BEGAIN: variants seen among roughly 807,000 people sequenced by gnomAD.
The protein encoded by BEGAIN is brain enriched guanylate kinase associated, also known as brain-enriched guanylate kinase-associated protein.
In BEGAIN, 19 loss-of-function variants were observed where a neutral mutation model predicts 35.8. That is an observed-to-expected ratio of 0.53 (90% CI 0.37 to 0.78). BEGAIN has a LOEUF of 0.78. Among genes scored for constraint, BEGAIN ranks in the 30% least tolerant of loss-of-function variants. The pLI is 0.00. For synonymous variants in BEGAIN, 462 were observed against 388.6 expected, an observed-to-expected ratio of 1.19 and a Z score of -2.22; for missense variants, 795 against 853.6, an observed-to-expected ratio of 0.93 and a Z score of 0.85.
chr14:100,550,317 G>A, intron 2 of BEGAIN: 1 of 398,012 alleles, frequency 2.5e-6, no homozygotes, highest in East Asian at 3.6e-5. Flanking sequence ...TCACCTTCTG[G>A]GCCTCTGCAT....
Position 100,571,509 on chromosome 14 carries a change from G to C in BEGAIN, c.43-3570C>G, listed in dbSNP as rs532287289. Among the ~76,000 whole-genome samples, 22 of 152,346 alleles carry C rather than the reference G, an allele frequency of 1.4e-4. No homozygotes were observed. The South Asian group carries it at 4.3e-3, about 30-fold the overall frequency. ...TCAGTTCCATTGAAGTGTCACAGCA[G>C]CTTTGCTGGGTGGGTCTCATCAGCT... On this transcript the variant is annotated intron_variant, in intron 1 of 6. Transcript: ENST00000554140.
Position 100,538,853 on chromosome 14 carries a change from A to G in BEGAIN, c.955T>C (p.Tyr319His), listed in dbSNP as rs780199430. ...YAGSLPTSSS[Y>H]SSFSATSEEK... ...TCCGACGTGGCGCTGAAGCTGGAGTAGGAGCTGGACGTGGGCAGTGAGCCT... is the reference window on the plus strand; with the variant it reads ...TCCGACGTGGCGCTGAAGCTGGAGTGGGAGCTGGACGTGGGCAGTGAGCCT... Residue 319 changes from tyrosine (Y) to histidine (H), a missense_variant, in exon 7 of 7, where the codon TAC (tyrosine) becomes CAC (histidine). Physicochemically the swap from Tyr to His is moderately conservative, Grantham distance 83. Coordinates refer to ENST00000554140, the MANE Select transcript of BEGAIN (RefSeq NM_001385089.1). The G allele has an allele frequency of 3.7e-6, 6 of 1,607,290 alleles. No individual in the cohort carries two copies. Among genetic ancestry groups the G allele is most frequent in the Non-Finnish European group, 5.1e-6 (6 of 1,178,352 alleles).
chr14:100,551,926 C>G (rs1364346874), intron 2 of BEGAIN, among the ~76,000 whole-genome samples: 2 of 152,108 alleles, frequency 1.3e-5, no homozygotes, highest in East Asian at 1.9e-4. Context: ...CTTTGGAATT[C>G]CGGTCCCAGG....
rs2034417587 is a variant in BEGAIN at position 100,563,131 on chromosome 14, CAG to C, written c.71+4778_71+4779del. Among the ~76,000 whole-genome samples the C allele has an allele frequency of 6.6e-6, 1 of 152,228 alleles. No homozygotes were observed. The highest frequency in any genetic ancestry group is 2.1e-4 in the South Asian group (1 of 4,838). ...CTGGGACATCAGCCTGGCACTTCTG[CAG>C]AGTGTCTCAGCCTGGACAAGTGTCC... On this transcript the variant is annotated intron_variant, in intron 2 of 6. Coordinates refer to ENST00000554140, the MANE Select transcript of BEGAIN (RefSeq NM_001385089.1). This position sits in a 1 kb window ranked among gnomAD's most constrained non-coding sequence, Gnocchi z 4.2.
chr14:100,544,626 T>C (rs977075771), intron 4 of BEGAIN, among the ~76,000 whole-genome samples: 1 of 152,128 alleles, frequency 6.6e-6, no homozygotes, highest in Non-Finnish European at 1.5e-5. Flanking sequence ...GAGGCGGAGC[T>C]GGGGCTCAAA....
intron 2 of BEGAIN, among the ~76,000 whole-genome samples, chr14:100,565,767 C>A (rs1048634678): frequency 1.3e-5 from 2 of 152,204 alleles, no homozygotes; most frequent in Non-Finnish European, 2.9e-5. Context: ...AGAGATGCTT[C>A]CACCACAGGG....
intron 1 of BEGAIN, among the ~76,000 whole-genome samples, chr14:100,581,244 C>T (rs572328355): frequency 9.8e-5 from 15 of 152,344 alleles, no homozygotes; most frequent in South Asian, 2.1e-4. Flanking sequence ...TTCACTAGCA[C>T]GCATGGTTGC....
At chr14:100,570,926 G>A (rs1296884985) in intron 1 of BEGAIN, among the ~76,000 whole-genome samples, 4 of 152,332 alleles carry the variant, frequency 2.6e-5, no homozygotes, top group African/African-American at 4.8e-5. Flanking sequence ...CTGGAGAACC[G>A]CGGCGCTGCC....
chr14:100,570,578 T>A (rs2035048076), intron 1 of BEGAIN, among the ~76,000 whole-genome samples: 2 of 152,192 alleles, frequency 1.3e-5, no homozygotes, highest in South Asian at 4.1e-4. Context: ...CAGCTCTGTG[T>A]CCCTGGACCA....
chr14:100,575,466 C>T (rs2035182466), intron 1 of BEGAIN, among the ~76,000 whole-genome samples: 1 of 152,190 alleles, frequency 6.6e-6, no homozygotes, highest in Non-Finnish European at 1.5e-5. Context: ...TGACTTGAGC[C>T]AGGGCACAGC....
intron 1 of BEGAIN, chr14:100,569,347 C>G (rs1031614675): frequency 6.6e-6 from 1 of 152,284 alleles, no homozygotes; most frequent in African/African-American, 2.4e-5. Flanking sequence ...AAACCCTCCT[C>G]CTGCAAGACA....
intron 2 of BEGAIN, among the ~76,000 whole-genome samples, chr14:100,566,332 G>A (rs909532471): frequency 6.6e-6 from 1 of 152,232 alleles, no homozygotes; most frequent in African/African-American, 2.4e-5. Context: ...CCAGCCGGGC[G>A]GGGTCATGCC....
chr14:100,577,977 G>C (rs373161034), intron 1 of BEGAIN: 20 of 399,262 alleles, frequency 5.0e-5, no homozygotes, highest in African/African-American at 3.7e-4. Flanking sequence ...CCAAGGTCCG[G>C]GCTCCCCAAG....
intron 2 of BEGAIN, among the ~76,000 whole-genome samples, chr14:100,555,532 A>G (rs1324176609): frequency 2.0e-5 from 3 of 152,218 alleles, no homozygotes; most frequent in South Asian, 4.1e-4. Context: ...GACCCCCGAA[A>G]GGGAGGTGTG....
chr14:100,568,320 C>T lies in BEGAIN; in HGVS notation c.43-381G>A. 1.4e-6 allele frequency: 1 copy of T among 731,752 alleles called. No individual in the cohort carries two copies. The highest frequency in any genetic ancestry group is 1.7e-5 in the South Asian group (1 of 59,240). The allele number at this position is 731,752 out of a possible 1,614,324, so 45.3% of individuals were successfully genotyped here. A position where few individuals can be genotyped will look rare whatever the true frequency, so the allele number is the denominator to read the frequency against. On this transcript the variant is annotated intron_variant, in intron 1 of 6. Coordinates refer to ENST00000554140, the MANE Select transcript of BEGAIN (RefSeq NM_001385089.1). The surrounding 1 kb of genome is among the most constrained non-coding windows in gnomAD (Gnocchi z 7.5). ...CGGCCCCGCTGCTCCCCCCGCCCCG[C>T]CCGTTAACCCTTCCTGCCCCGCGCT...
intron 2 of BEGAIN, among the ~76,000 whole-genome samples, chr14:100,556,404 C>T (rs1003253269): frequency 2.0e-5 from 3 of 152,312 alleles, no homozygotes; most frequent in South Asian, 2.1e-4. Flanking sequence ...GGGGAGCCCT[C>T]GGAGGGTGGG....
At chr14:100,569,778 G>C (rs1566978820) in intron 1 of BEGAIN, 1 of 154,628 alleles carries the variant, frequency 6.5e-6, no homozygotes, top group East Asian at 1.9e-4. Flanking sequence ...GCAGAGAGGG[G>C]ACAGCAGACA....
rs1023807239 is a variant in BEGAIN at position 100,573,419 on chromosome 14, G to A, written c.43-5480C>T. Reference sequence around the variant, plus strand: ...CAGTGGGAAGGAGCAGCTGGGGTGCGGGGCCTCGTGCACCCTCATCAGGAC... The same window carrying A: ...CAGTGGGAAGGAGCAGCTGGGGTGCAGGGCCTCGTGCACCCTCATCAGGAC... On this transcript the variant is annotated intron_variant, in intron 1 of 6. Transcript: ENST00000554140. The surrounding 1 kb of genome is among the most constrained non-coding windows in gnomAD (Gnocchi z 4.2). Among the ~76,000 whole-genome samples the A allele has an allele frequency of 1.3e-5, 2 of 152,116 alleles. No individual in the cohort carries two copies. The highest frequency in any genetic ancestry group is 2.4e-5 in the African/African-American group (1 of 41,418).
At chr14:100,542,457 G>A (rs2031771719) in intron 5 of BEGAIN, among the ~76,000 whole-genome samples, 1 of 152,184 alleles carries the variant, frequency 6.6e-6, no homozygotes, top group African/African-American at 2.4e-5. Flanking sequence ...CCGGCATGCC[G>A]GCCTTCACGC....
Sources: allele counts gnomAD v4.1 joint callset (sites outside exome capture counted in the v4.1 genomes callset), GRCh38; gene constraint gnomAD v4.1.1; non-coding constraint Gnocchi (gnomAD v3.1); transcripts MANE v1.5; gene names NCBI Gene and HGNC (gene_info 2026-07-23, HGNC 2026-07-21).